Variants in OPCML observed in about 807,000 individuals in gnomAD.
The protein encoded by OPCML is opioid binding protein/cell adhesion molecule like.
A neutral mutation model predicts 37.8 loss-of-function variants in OPCML; 13 were observed. The ratio of observed to expected loss-of-function variants is 0.34; its 90% CI spans 0.22 to 0.55. OPCML has a LOEUF of 0.55. OPCML is among the 20% of genes least tolerant of loss of function. OPCML has a pLI of 0.91. For missense variants in OPCML, 341 were observed against 435.6 expected (o/e 0.78, Z 1.93); for synonymous variants, 176 against 168.8 (o/e 1.04, Z -0.33).
At chr11:132,744,895 G>T (rs1340961858) in intron 2 of OPCML, among the ~76,000 whole-genome samples, 1 of 152,254 alleles carries the variant, frequency 6.6e-6, no homozygotes, top group Non-Finnish European at 1.5e-5. Context: ...CAAGCTCGAG[G>T]AAGTGAACGA....
intron 4 of OPCML, among the ~76,000 whole-genome samples, chr11:132,469,548 T>C (rs1027856718): frequency 7.6e-6 from 1 of 132,300 alleles, no homozygotes; most frequent in African/African-American, 2.9e-5. Flanking sequence ...GTGTGTGGGG[T>C]GTGTGTGTGT....
chr11:132,865,024 C>G (rs925398173), intron 2 of OPCML, among the ~76,000 whole-genome samples: 1 of 152,214 alleles, frequency 6.6e-6, no homozygotes, highest in Non-Finnish European at 1.5e-5. Flanking sequence ...GCATTAGCTC[C>G]GCAAGTCAGG....
intron 3 of OPCML, among the ~76,000 whole-genome samples, chr11:132,585,382 C>T (rs2096470445): frequency 6.6e-6 from 1 of 150,428 alleles, no homozygotes; most frequent in African/African-American, 2.5e-5. Flanking sequence ...GTTGAAATTT[C>T]CTGTTTTCAG....
chr11:132,656,566 G>A (rs1941716981), intron 3 of OPCML, among the ~76,000 whole-genome samples: 1 of 152,014 alleles, frequency 6.6e-6, no homozygotes, highest in African/African-American at 2.4e-5. Flanking sequence ...GGACTTCATT[G>A]TCTGGCTATG....
chr11:132,781,618 A>ACACC (rs1947018870), intron 2 of OPCML, among the ~76,000 whole-genome samples: 3 of 137,152 alleles, frequency 2.2e-5, no homozygotes, highest in Admixed American at 7.2e-5. Context: ...ACACACACAC[A>ACACC]CCCTATTTTT....
chr11:132,756,358 A>T (rs529160599), intron 2 of OPCML, among the ~76,000 whole-genome samples: 1 of 152,160 alleles, frequency 6.6e-6, no homozygotes, highest in Admixed American at 6.5e-5. Flanking sequence ...GTATTTCTGA[A>T]TGCTAAGGTA....
rs1166479841 is a variant in OPCML at position 133,208,563 on chromosome 11, T to A, written c.62-265553A>T. On this transcript the variant is annotated intron_variant, in intron 1 of 7. Coordinates refer to ENST00000524381, the MANE Select transcript of OPCML (RefSeq NM_001012393.5). The surrounding 1 kb of genome is among the most constrained non-coding windows in gnomAD (Gnocchi z 8.9). ...AATTCCAATGCTGGCTATCCACATATGTGTATTAGTGAAGTTGAAGCAGGA... is the reference window on the plus strand; with the variant it reads ...AATTCCAATGCTGGCTATCCACATAAGTGTATTAGTGAAGTTGAAGCAGGA... 6.6e-6 allele frequency among the ~76,000 whole-genome samples: 1 copy of A among 152,206 alleles called. No individual in the cohort carries two copies. The highest frequency in any genetic ancestry group is 1.5e-5 in the Non-Finnish European group (1 of 68,046).
intron 1 of OPCML, among the ~76,000 whole-genome samples, chr11:133,377,612 G>GAAATAAAAAAAAA (rs1944837238): frequency 1.3e-5 from 1 of 79,088 alleles, no homozygotes; most frequent in Admixed American, 1.4e-4. Flanking sequence ...CCAGTATTCA[G>GAAATAAAAAAAAA]AAAAAAAAAA....
chr11:132,975,475 A>G (rs1036354664), intron 1 of OPCML, among the ~76,000 whole-genome samples: 1 of 138,958 alleles, frequency 7.2e-6, no homozygotes, highest in African/African-American at 2.7e-5. Context: ...AACTTTTCAG[A>G]TTCCCTTAAT....
intron 1 of OPCML, among the ~76,000 whole-genome samples, chr11:133,476,134 C>T (rs898700349): frequency 2.0e-5 from 3 of 152,208 alleles, no homozygotes; most frequent in African/African-American, 7.2e-5. Context: ...CAAGGCATGT[C>T]TGGAAAACAC....
intron 1 of OPCML, among the ~76,000 whole-genome samples, chr11:133,402,169 C>T (rs145678767): frequency 2.0e-5 from 3 of 152,148 alleles, no homozygotes; most frequent in African/African-American, 7.2e-5. Context: ...TGGTGAGGGT[C>T]TTCTGTCTGC....
chr11:132,464,362 A>G (rs1438631165), intron 4 of OPCML, among the ~76,000 whole-genome samples: 1 of 152,118 alleles, frequency 6.6e-6, no homozygotes, highest in Non-Finnish European at 1.5e-5. Context: ...TATACTGTAT[A>G]TGTACTCGTG....
chr11:132,525,026 C>A (rs1331681854), intron 4 of OPCML, among the ~76,000 whole-genome samples: 2 of 152,228 alleles, frequency 1.3e-5, no homozygotes, highest in Non-Finnish European at 2.9e-5. Context: ...CTCCAATCAA[C>A]TTTACTCACT....
At chr11:132,816,359 C>T (rs1015037448) in intron 2 of OPCML, among the ~76,000 whole-genome samples, 3 of 152,066 alleles carry the variant, frequency 2.0e-5, no homozygotes, top group Non-Finnish European at 4.4e-5. Flanking sequence ...AAAATATCTC[C>T]GAGGCATTAT....
chr11:133,403,764 T>C (rs1945461634), intron 1 of OPCML, among the ~76,000 whole-genome samples: 1 of 152,222 alleles, frequency 6.6e-6, no homozygotes, highest in Admixed American at 6.5e-5. Flanking sequence ...AAATAGGTGG[T>C]ACATAGAACA....
intron 1 of OPCML, among the ~76,000 whole-genome samples, chr11:133,191,504 G>GTGTGTGTGTGTGT (rs1565494837): frequency 7.0e-6 from 1 of 142,360 alleles, no homozygotes; most frequent in Non-Finnish European, 1.5e-5. Flanking sequence ...TGTGTGTGTG[G>GTGTGTGTGTGTGT]GTGTGTGTGT....
At chr11:133,062,595 T>G (rs959393704) in intron 1 of OPCML, among the ~76,000 whole-genome samples, 1 of 152,086 alleles carries the variant, frequency 6.6e-6, no homozygotes, top group Non-Finnish European at 1.5e-5. Flanking sequence ...GTTCCAACCC[T>G]TCATCCCTCC....
At chr11:132,507,872 A>T (rs1403405378) in intron 4 of OPCML, among the ~76,000 whole-genome samples, 1 of 152,056 alleles carries the variant, frequency 6.6e-6, no homozygotes, top group East Asian at 1.9e-4. Context: ...ATGTTTTCAC[A>T]TTAAAAAATA....
chr11:132,546,708 G>T (rs192670005), intron 3 of OPCML, among the ~76,000 whole-genome samples: 151 of 152,150 alleles, frequency 9.9e-4, no homozygotes, highest in African/African-American at 3.4e-3. Flanking sequence ...TCACCTTTTT[G>T]CATCTATAAC....
Sources: gnomAD v4.1 joint callset for allele counts (sites outside exome capture counted in the v4.1 genomes callset) on GRCh38, gnomAD v4.1.1 for gene constraint, Gnocchi (gnomAD v3.1) non-coding constraint, MANE v1.5 for transcripts, NCBI Gene and HGNC (gene_info 2026-07-23, HGNC 2026-07-21) for gene names.